Variants in ZNF490 observed in about 807,000 individuals in gnomAD.
ZNF490 encodes the protein zinc finger protein 490.
Under a neutral mutation model 17.7 loss-of-function variants are expected in ZNF490, and 11 were observed. The observed-to-expected ratio is 0.62, with a 90% CI of 0.39 to 1.03. ZNF490 has a LOEUF of 1.03. Ranked by LOEUF, ZNF490 falls within the 50% of genes least tolerant of loss-of-function variation. The probability of loss-of-function intolerance (pLI) is 0.00; values close to 1 mark genes in which losing one functional copy is unlikely to be tolerated. For missense variants in ZNF490, 542 were observed against 643.4 expected, an observed-to-expected ratio of 0.84 and a Z score of 1.71; for synonymous variants, 222 against 216.1, an observed-to-expected ratio of 1.03 and a Z score of -0.24.
intron 2 of ZNF490, among the ~76,000 whole-genome samples, chr19:12,589,568 CT>C (rs66811210): frequency 0.54 from 67,467 of 125,540 alleles, 17,744 homozygotes; most frequent in Non-Finnish European, 0.64. Context: ...TCTTCTTCTT[CT>C]TTTTTTTTTT....
At chr19:12,597,200 A>G in intron 2 of ZNF490, 1 of 458,028 alleles carries the variant, frequency 2.2e-6, no homozygotes, top group Non-Finnish European at 4.4e-6. Context: ...ATCCCTCACT[A>G]CCTGCAGGTC....
intron 2 of ZNF490, among the ~76,000 whole-genome samples, chr19:12,600,365 CA>C (rs35890341): frequency 5.3e-4 from 68 of 129,144 alleles, no homozygotes; most frequent in Admixed American, 1.2e-3. Flanking sequence ...GACTCTGTCT[CA>C]AAAAAAAAAA....
chr19:12,590,431 G>T lies in ZNF490; in HGVS notation c.163-6875C>A, dbSNP rs151026074. ...GGGGTTTCACCATGTTGGCCAGGCTGGTCCTGAACTCTTGACCTCAATGAT... is the reference window on the plus strand; with the variant it reads ...GGGGTTTCACCATGTTGGCCAGGCTTGTCCTGAACTCTTGACCTCAATGAT... On this transcript the variant is annotated intron_variant, in intron 2 of 4. Coordinates refer to ENST00000311437, the MANE Select transcript of ZNF490 (RefSeq NM_020714.3). Among the ~76,000 whole-genome samples, 138 of 151,114 alleles carry T rather than the reference G, an allele frequency of 9.1e-4. 2 individuals carry two copies. In the East Asian group the frequency reaches 0.024, roughly 27 times the overall value.
At chr19:12,602,079 T>TACACACACACACAC (rs61568541) in intron 2 of ZNF490, among the ~76,000 whole-genome samples, 1 of 68,594 alleles carries the variant, frequency 1.5e-5, no homozygotes, top group East Asian at 2.5e-4. Flanking sequence ...GTTCACTATA[T>TACACACACACACAC]ACACACACAC....
Position 12,577,809 on chromosome 19 carries a change from C to A in ZNF490, c.*2676G>T, listed in dbSNP as rs762298987. 4 of 985,502 alleles carry A rather than the reference C, an allele frequency of 4.1e-6. No homozygotes were observed. The highest frequency in any genetic ancestry group is 4.8e-6 in the Non-Finnish European group (4 of 829,998). 61.0% of individuals were successfully genotyped at this position (985,502 alleles called of 1,614,324 possible). A position where few individuals can be genotyped will look rare whatever the true frequency, so the allele number is the denominator to read the frequency against. ...GACCCACCCAGGGAGACTGTTGTTA[C>A]GAGGGTGGATGGTGACCTGGTTTCC... On this transcript the variant is annotated 3_prime_UTR_variant, in exon 5 of 5. Coordinates refer to ENST00000311437, the MANE Select transcript of ZNF490 (RefSeq NM_020714.3).
chr19:12,581,644 T>A lies in ZNF490; in HGVS notation c.431A>T (p.Asn144Ile). ...GKSTSQIPDL[N>I]TNLETPTGLK... ...TCCAGTAGGAGTTTCCAGGTTCGTA[T>A]TAAGATCAGGAATCTGGCTAGTGCT... Residue 144 changes from asparagine (N) to isoleucine (I), a missense_variant, in exon 5 of 5, where the codon AAT becomes ATT. Coordinates refer to ENST00000311437, the MANE Select transcript of ZNF490 (RefSeq NM_020714.3). The A allele has an allele frequency of 6.2e-7, 1 of 1,614,190 alleles. No individual in the cohort carries two copies. The highest frequency in any genetic ancestry group is 8.5e-7 in the Non-Finnish European group (1 of 1,180,028).
intron 2 of ZNF490, among the ~76,000 whole-genome samples, chr19:12,596,376 A>C (rs549626123): frequency 6.6e-6 from 1 of 152,310 alleles, no homozygotes; most frequent in South Asian, 2.1e-4. Flanking sequence ...GAAAACTCAC[A>C]ATCGAAAGGT....
intron 1 of ZNF490, chr19:12,609,815 CA>C (rs1468457536): frequency 5.0e-6 from 2 of 399,200 alleles, no homozygotes; most frequent in Non-Finnish European, 9.7e-6. Context: ...GAATAATAGA[CA>C]CTGGAGATGC....
In ZNF490 at chr19:12,610,610, G is replaced by A; in HGVS notation, c.71C>T (p.Ser24Leu). 6.2e-7 allele frequency: 1 copy of A among 1,613,798 alleles called. No homozygotes were observed. The highest frequency in any genetic ancestry group is 8.5e-7 in the Non-Finnish European group (1 of 1,179,972). Residue 24 changes from serine (S) to leucine (L), a missense_variant, in exon 1 of 5, where the codon TCG becomes TTG. By Grantham distance (145) the Ser-to-Leu change is moderately radical. Coordinates refer to ENST00000311437, the MANE Select transcript of ZNF490 (RefSeq NM_020714.3). ...TGTTCCTGTGCGGCCTTGACTAGAC[G>A]ACCACTTGCTCTGGACTTGCTCCTC... ...PLEEQVQSKWSSSQGRTGTGG... is the reference protein window; with the variant it reads ...PLEEQVQSKWLSSQGRTGTGG...
rs1415433391 is a variant in ZNF490 at position 12,610,512 on chromosome 19, AG to A, written c.117+51del. The A allele has an allele frequency of 4.8e-5, 66 of 1,381,568 alleles. No individual in the cohort carries two copies. The South Asian group carries it at 6.8e-4, about 14-fold the overall frequency. The allele number at this position is 1,381,568 out of a possible 1,614,324, so 85.6% of individuals were successfully genotyped here. On this transcript the variant is annotated intron_variant, in intron 1 of 4. Coordinates refer to ENST00000311437, the MANE Select transcript of ZNF490 (RefSeq NM_020714.3). ...TGGGGTAACCGTCTGTTTATAAACA[AG>A]GGTCACTATTCCACGAGAGGCCTTA...
chr19:12,603,585 G>A (rs1022752481), intron 2 of ZNF490, among the ~76,000 whole-genome samples: 3 of 152,090 alleles, frequency 2.0e-5, no homozygotes, highest in African/African-American at 4.8e-5. Flanking sequence ...GAGCTCAGGT[G>A]TTTGAGACCA....
At chr19:12,591,831 AC>A (rs1430256360) in intron 2 of ZNF490, among the ~76,000 whole-genome samples, 1 of 147,862 alleles carries the variant, frequency 6.8e-6, no homozygotes, top group African/African-American at 2.6e-5. Flanking sequence ...GCAGACAGTT[AC>A]AAAAAAAAAA....
At position 12,609,155 on chromosome 19, in the gene ZNF490, T is replaced by C; in HGVS notation, c.162+3A>G. Reference sequence around the variant, plus strand: ...CACGCTGACAGGTAGCGATCTCACTTACAGTTTGAGTCTTGATGCTTTGTC... The same window carrying C: ...CACGCTGACAGGTAGCGATCTCACTCACAGTTTGAGTCTTGATGCTTTGTC... On this transcript the variant is annotated splice_donor_region_variant and intron_variant, in intron 2 of 4. Coordinates refer to ENST00000311437, the MANE Select transcript of ZNF490 (RefSeq NM_020714.3). The C allele has an allele frequency of 6.2e-7, 1 of 1,614,052 alleles. No individual in the cohort carries two copies. The highest frequency in any genetic ancestry group is 8.5e-7 in the Non-Finnish European group (1 of 1,179,944).
intron 2 of ZNF490, among the ~76,000 whole-genome samples, chr19:12,592,825 T>C (rs1431915181): frequency 6.6e-6 from 1 of 152,174 alleles, no homozygotes; most frequent in African/African-American, 2.4e-5. Flanking sequence ...AACACTACAC[T>C]TTCTCATCAA....
rs1319686858 is a variant in ZNF490 at position 12,585,334 on chromosome 19, G to A, written c.163-1778C>T. 4.3e-5 allele frequency among the ~76,000 whole-genome samples: 4 copies of A among 93,094 alleles called. 1 individual carries two copies. The highest frequency in any genetic ancestry group is 8.7e-5 in the Non-Finnish European group (3 of 34,672). 61.1% of individuals were successfully genotyped at this position (93,094 alleles called of 152,430 possible). On this transcript the variant is annotated intron_variant, in intron 2 of 4. Coordinates refer to ENST00000311437, the MANE Select transcript of ZNF490 (RefSeq NM_020714.3). ...AGGTGGGCAGATCATTTGAGGTCAG[G>A]AGTCCAAGCACTAAACCTCCAGCCC...
chr19:12,596,931 C>T (rs2022941151), intron 2 of ZNF490, among the ~76,000 whole-genome samples: 1 of 152,318 alleles, frequency 6.6e-6, no homozygotes, highest in East Asian at 1.9e-4. Flanking sequence ...TCTTCGGAGA[C>T]GCGGGGCTGG....
At chr19:12,595,637 C>T (rs1218097756) in intron 2 of ZNF490, among the ~76,000 whole-genome samples, 1 of 151,946 alleles carries the variant, frequency 6.6e-6, no homozygotes, top group East Asian at 1.9e-4. Context: ...TGGGCCTCAC[C>T]CATGGAACTG....
chr19:12,607,704 C>T (rs754414665), intron 2 of ZNF490, among the ~76,000 whole-genome samples: 16 of 149,862 alleles, frequency 1.1e-4, no homozygotes, highest in African/African-American at 3.9e-4. Context: ...GAGCTTGAGA[C>T]CAGCCTGGGC....
chr19:12,610,518 A>T lies in ZNF490; in HGVS notation c.117+46T>A, dbSNP rs756250872. The T allele has an allele frequency of 4.7e-5, 67 of 1,421,048 alleles. No homozygotes were observed. The South Asian group carries it at 6.8e-4, about 14-fold the overall frequency. The allele number at this position is 1,421,048 out of a possible 1,614,324, so 88.0% of individuals were successfully genotyped here. On this transcript the variant is annotated intron_variant, in intron 1 of 4. Transcript: ENST00000311437. ...AACCGTCTGTTTATAAACAAGGGTC[A>T]CTATTCCACGAGAGGCCTTACAACA...
Sources: allele counts gnomAD v4.1 joint callset (sites outside exome capture counted in the v4.1 genomes callset), GRCh38; gene constraint gnomAD v4.1.1; transcripts MANE v1.5; gene names NCBI Gene and HGNC (gene_info 2026-07-23, HGNC 2026-07-21).